The following PSEN2 variants were observed in gnomAD, a reference collection of about 807,000 sequenced individuals.
PSEN2 encodes the protein presenilin 2, also known as presenilin-2.
Under a neutral mutation model 49.1 loss-of-function variants are expected in PSEN2, and 32 were observed. That is an observed-to-expected ratio of 0.65 (90% CI 0.49 to 0.88). The LOEUF is 0.88. PSEN2 is among the 40% of genes least tolerant of loss of function. PSEN2 has a pLI of 0.00. For synonymous variants in PSEN2, 255 were observed against 244.0 expected (o/e 1.05, Z -0.42); for missense variants, 522 against 586.9 (o/e 0.89, Z 1.14).
chr1:226,900,196 A>G (rs114339295), downstream of PSEN2, among the ~76,000 whole-genome samples: 2,136 of 152,264 alleles, frequency 0.014, 42 homozygotes, highest in African/African-American at 0.048. Context: ...GTAGACCTCC[A>G]TCCTGGGGTT....
At chr1:226,892,479 C>A (rs1661827531) in intron 11 of PSEN2, among the ~76,000 whole-genome samples, 1 of 152,180 alleles carries the variant, frequency 6.6e-6, no homozygotes, top group African/African-American at 2.4e-5. Flanking sequence ...CAATGCCAGC[C>A]CACTGCTGCG....
chr1:226,888,076 A>AT lies in PSEN2; in HGVS notation c.499-12dup, dbSNP rs761661470. 1.9e-6 allele frequency: 3 copies of AT among 1,610,952 alleles called. No homozygotes were observed. Among genetic ancestry groups the AT allele is most frequent in the Non-Finnish European group, 2.5e-6 (3 of 1,177,232 alleles). On this transcript the variant is annotated splice_polypyrimidine_tract_variant and intron_variant, in intron 6 of 12. Transcript: ENST00000366783. The stretch of plus-strand genomic sequence containing the variant: ...CTTGGGGACACCTTGTGATCGTGCA[A>AT]TTTCTGTTGTCTAGTTCATCCATGG...
At chr1:226,877,777 G>A (rs732479) in intron 3 of PSEN2, among the ~76,000 whole-genome samples, 25,589 of 152,252 alleles carry the variant, frequency 0.17, 2,799 homozygotes, top group South Asian at 0.26. Flanking sequence ...TGAGGAGGCC[G>A]CATGTATGAA....
chr1:226,885,533 C>T lies in PSEN2; in HGVS notation c.357-5C>T. On this transcript the variant is annotated splice_region_variant and splice_polypyrimidine_tract_variant and intron_variant, in intron 5 of 12. Coordinates refer to ENST00000366783, the MANE Select transcript of PSEN2 (RefSeq NM_000447.3). The stretch of plus-strand genomic sequence containing the variant: ...GGAGCATCAGCCCTTTGCCTTCTCC[C>T]TCAGCATCTACACGCCATTCACTGA... 1 of 1,613,506 alleles carries T rather than the reference C, an allele frequency of 6.2e-7. No individual in the cohort carries two copies. The highest frequency in any genetic ancestry group is 1.1e-5 in the South Asian group (1 of 90,990).
chr1:226,895,702 T>C lies in PSEN2; in HGVS notation c.*123T>C. The C allele has an allele frequency of 1.6e-6, 2 of 1,242,958 alleles. No individual in the cohort carries two copies. 77.0% of individuals were successfully genotyped at this position (1,242,958 alleles called of 1,614,324 possible). A position where few individuals can be genotyped will look rare whatever the true frequency, so the allele number is the denominator to read the frequency against. ...CTTTCCTTAAAAAATAAAGTACGTG[T>C]TTACTTGGTGAGGAGGAGGCAGAAC... On this transcript the variant is annotated 3_prime_UTR_variant, in exon 13 of 13. Coordinates refer to ENST00000366783, the MANE Select transcript of PSEN2 (RefSeq NM_000447.3).
At position 226,894,404 on chromosome 1, in the gene PSEN2, G is replaced by C. The variant is rs3829979; in HGVS notation, c.1191+279G>C. Among the ~76,000 whole-genome samples, 31,454 of 152,210 alleles carry C rather than the reference G, an allele frequency of 0.21. 3,430 individuals are homozygous for C. Among genetic ancestry groups the C allele is most frequent in the South Asian group, 0.27 (1,280 of 4,820 alleles). On this transcript the variant is annotated intron_variant, in intron 12 of 12. Coordinates refer to ENST00000366783, the MANE Select transcript of PSEN2 (RefSeq NM_000447.3). ...CTGAGCACACAGCCTCCAGGCCGAG[G>C]ACCCAGCTGACAGCTTTGCGCAGTG...
At chr1:226,889,116 T>C (rs919549764) in intron 8 of PSEN2, 67 bp downstream of exon 8, 12 of 1,441,474 alleles carry the variant, frequency 8.3e-6, no homozygotes, top group African/African-American at 1.4e-5. Context: ...TCCCCAGTGC[T>C]GCACAAGGAG....
At chr1:226,882,461 G>A (rs1020388206) in intron 4 of PSEN2, among the ~76,000 whole-genome samples, 1 of 152,172 alleles carries the variant, frequency 6.6e-6, no homozygotes, top group Admixed American at 6.5e-5. Context: ...CCTGATACAC[G>A]ATTGACTTTT....
intron 3 of PSEN2, among the ~76,000 whole-genome samples, chr1:226,881,682 G>T (rs755442782): frequency 1.3e-5 from 2 of 152,218 alleles, no homozygotes; most frequent in African/African-American, 2.4e-5. Flanking sequence ...CCTCAGGCCA[G>T]CCCCAGGCAA....
chr1:226,885,669 G>C lies in PSEN2; in HGVS notation c.488G>C (p.Arg163Pro). ...TIFLVVLYKY[R>P]CYKFIHGWLI... Reference sequence around the variant, plus strand: ...TTCTTGGTGGTGCTCTACAAGTACCGCTGCTACAAGGTGAGGCCCTGGCCC... The same window carrying C: ...TTCTTGGTGGTGCTCTACAAGTACCCCTGCTACAAGGTGAGGCCCTGGCCC... Residue 163 changes from arginine (R) to proline (P), a missense_variant, in exon 6 of 13, where the codon CGC becomes CCC. Transcript: ENST00000366783. 6.2e-7 allele frequency: 1 copy of C among 1,607,984 alleles called. No homozygotes were observed. The highest frequency in any genetic ancestry group is 8.5e-7 in the Non-Finnish European group (1 of 1,179,940).
At chr1:226,871,094 C>G (rs887367125) in intron 1 of PSEN2, 168 bp from the exon 2 acceptor site, 6 of 152,226 alleles carry the variant, frequency 3.9e-5, no homozygotes, top group Non-Finnish European at 8.8e-5. Flanking sequence ...TCTCTCTCGC[C>G]GGAGACCTCC....
At chr1:226,882,273 C>T (rs1392732107) in intron 4 of PSEN2, among the ~76,000 whole-genome samples, 7 of 152,234 alleles carry the variant, frequency 4.6e-5, no homozygotes, top group Non-Finnish European at 4.4e-5. Flanking sequence ...GGCTGAAGGA[C>T]GCTGTCCACT....
intron 6 of PSEN2, among the ~76,000 whole-genome samples, chr1:226,886,227 A>G (rs1218566911): frequency 6.6e-6 from 1 of 152,214 alleles, no homozygotes; most frequent in African/African-American, 2.4e-5. Flanking sequence ...TGTTCCAAGC[A>G]TCATTTCTCA....
At chr1:226,892,773 C>T (rs925213598) in intron 11 of PSEN2, among the ~76,000 whole-genome samples, 2 of 152,150 alleles carry the variant, frequency 1.3e-5, no homozygotes, top group African/African-American at 4.8e-5. Context: ...ACTGGCCTCC[C>T]TCCAGACACC....
In PSEN2 at chr1:226,879,539, C is replaced by T. The variant is rs571877833; in HGVS notation, c.-20-2349C>T. Reference sequence around the variant, plus strand: ...CATGGCCCATCCTACCAGGTCCCCACACTTGAGCCACATCCAATTGCTCGA... The same window carrying T: ...CATGGCCCATCCTACCAGGTCCCCATACTTGAGCCACATCCAATTGCTCGA... On this transcript the variant is annotated intron_variant, in intron 3 of 12. Transcript: ENST00000366783. 2.0e-5 allele frequency among the ~76,000 whole-genome samples: 3 copies of T among 152,324 alleles called. No individual in the cohort carries two copies. In the East Asian group the frequency reaches 5.8e-4, roughly 29 times the overall value.
rs1301990277 is a variant in PSEN2, at chr1:226,895,891, AGT to A, written c.*316_*317del. ...GGCATGAGGGCTGAGATGCGCAAAGAGTGTGCTCGGGAGTGGCCCCTGGCACC... is the reference window on the plus strand; with the variant it reads ...GGCATGAGGGCTGAGATGCGCAAAGAGTGCTCGGGAGTGGCCCCTGGCACC... On this transcript the variant is annotated 3_prime_UTR_variant, in exon 13 of 13. Coordinates refer to ENST00000366783, the MANE Select transcript of PSEN2 (RefSeq NM_000447.3). 4.4e-6 allele frequency: 2 copies of A among 453,304 alleles called. No individual in the cohort carries two copies. The highest frequency in any genetic ancestry group is 2.0e-5 in the African/African-American group (1 of 50,294). 28.1% of individuals were successfully genotyped at this position (453,304 alleles called of 1,614,324 possible).
chr1:226,883,144 T>G (rs769148081), intron 4 of PSEN2, among the ~76,000 whole-genome samples: 22 of 152,214 alleles, frequency 1.4e-4, no homozygotes, highest in Non-Finnish European at 3.2e-4. Context: ...CTGCGTCTTC[T>G]CAGATGCTTA....
At chr1:226,897,283 A>G (rs1195709507), downstream of PSEN2, among the ~76,000 whole-genome samples, 3 of 152,352 alleles carry the variant, frequency 2.0e-5, no homozygotes, top group Admixed American at 6.5e-5. Context: ...TGGGGTTTCC[A>G]AAGATGGGAT....
intron 11 of PSEN2, 70 bp from the exon 12 acceptor site, chr1:226,893,937 C>G (rs1009913351): frequency 1.4e-6 from 2 of 1,395,564 alleles, no homozygotes; most frequent in African/African-American, 1.4e-5. Context: ...GCCTTCTGGG[C>G]CAGAGTTTCT....
Sources: allele counts gnomAD v4.1 joint callset (sites outside exome capture counted in the v4.1 genomes callset), GRCh38; gene constraint gnomAD v4.1.1; transcripts MANE v1.5; gene names NCBI Gene and HGNC (gene_info 2026-07-23, HGNC 2026-07-21).